TRHDE: variants seen among roughly 807,000 people sequenced by gnomAD.
TRHDE encodes the protein thyrotropin releasing hormone degrading enzyme.
Under a neutral mutation model 125.7 loss-of-function variants are expected in TRHDE, and 72 were observed. The ratio of observed to expected loss-of-function variants is 0.57; its 90% CI spans 0.47 to 0.70. The LOEUF (loss-of-function observed/expected upper bound fraction) is 0.70, where lower values mean the gene tolerates loss of function less well. Among genes scored for constraint, TRHDE ranks in the 30% least tolerant of loss-of-function variants. The pLI, the probability that TRHDE is intolerant of heterozygous loss-of-function variation, is 0.00. For missense variants in TRHDE, 1,110 were observed against 1,327.1 expected, an observed-to-expected ratio of 0.84 and a Z score of 2.54; for synonymous variants, 509 against 509.1, an observed-to-expected ratio of 1.00 and a Z score of 0.00.
At chr12:72,565,890 A>T (rs995068478) in intron 9 of TRHDE, among the ~76,000 whole-genome samples, 25 of 152,136 alleles carry the variant, frequency 1.6e-4, no homozygotes, top group Non-Finnish European at 3.2e-4. Context: ...AATGCTTAAA[A>T]TAACGTGATG....
intron 1 of TRHDE, among the ~76,000 whole-genome samples, chr12:72,100,224 T>C (rs913154909): frequency 2.0e-5 from 3 of 152,180 alleles, no homozygotes; most frequent in Admixed American, 1.3e-4. Context: ...AAAATAATAC[T>C]GTGTAAGGCT....
intron 2 of TRHDE, among the ~76,000 whole-genome samples, chr12:72,300,340 C>G (rs1880454944): frequency 6.9e-6 from 1 of 145,556 alleles, no homozygotes; most frequent in Admixed American, 7.2e-5. Flanking sequence ...CAGTGAAAAA[C>G]ACACTCATAT....
chr12:72,143,610 G>A (rs1249464055), intron 2 of TRHDE, among the ~76,000 whole-genome samples: 1 of 151,984 alleles, frequency 6.6e-6, no homozygotes, highest in African/African-American at 2.4e-5. Context: ...CATATTAAAC[G>A]GACTAAGTAG....
chr12:72,638,687 T>C (rs1873883168), intron 15 of TRHDE, among the ~76,000 whole-genome samples: 1 of 152,146 alleles, frequency 6.6e-6, no homozygotes, highest in African/African-American at 2.4e-5. Flanking sequence ...GGAGCTCTTT[T>C]AGGGCAGGCC....
At chr12:72,296,769 G>A (rs1241935591) in intron 2 of TRHDE, among the ~76,000 whole-genome samples, 1 of 152,138 alleles carries the variant, frequency 6.6e-6, no homozygotes, top group Non-Finnish European at 1.5e-5. Flanking sequence ...GAATAAAATT[G>A]ATGAACCTCC....
At chr12:72,517,224 A>T (rs1396265507) in intron 6 of TRHDE, among the ~76,000 whole-genome samples, 2 of 151,482 alleles carry the variant, frequency 1.3e-5, no homozygotes, top group Non-Finnish European at 2.9e-5. Flanking sequence ...GAATGGTACC[A>T]GTTCCTCCTT....
At chr12:72,612,830 C>T (rs188247858) in intron 12 of TRHDE, among the ~76,000 whole-genome samples, 318 of 152,172 alleles carry the variant, frequency 2.1e-3, no homozygotes, top group Non-Finnish European at 2.4e-3. Context: ...TATTAATTCT[C>T]GCAATTAATG....
intron 6 of TRHDE, among the ~76,000 whole-genome samples, chr12:72,523,736 A>G (rs1445343452): frequency 7.2e-5 from 11 of 152,056 alleles, no homozygotes; most frequent in Non-Finnish European, 1.6e-4. Flanking sequence ...TGCTGAATAC[A>G]CTCTAATAAG....
intron 6 of TRHDE, among the ~76,000 whole-genome samples, chr12:72,530,645 C>T (rs1272297780): frequency 2.7e-5 from 4 of 150,676 alleles, no homozygotes; most frequent in African/African-American, 7.3e-5. Flanking sequence ...TTTCAAAATC[C>T]GGTTATGCTT....
intron 2 of TRHDE, chr12:72,256,526 T>C (rs1878818424): frequency 6.9e-6 from 1 of 145,096 alleles, no homozygotes; most frequent in Admixed American, 6.8e-5. Flanking sequence ...TTGTCTCCCT[T>C]ATTAGAATGC....
chr12:72,211,627 A>G lies in TRHDE; in HGVS notation n.279+105875A>G, dbSNP rs184728217. ...TCATCACTATTTTGGTCCAGGAATT[A>G]TGACAGGCCCCGGGGACGCAAAGCT... On this transcript the variant is annotated intron_variant and non_coding_transcript_variant, in intron 2 of 4. Transcript: ENST00000548156. Among the ~76,000 whole-genome samples, 7 of 152,306 alleles carry G rather than the reference A, an allele frequency of 4.6e-5. No homozygotes were observed. The East Asian group carries it at 1.4e-3, about 29-fold the overall frequency.
intron 15 of TRHDE, among the ~76,000 whole-genome samples, chr12:72,645,532 A>C (rs1317691687): frequency 6.6e-6 from 1 of 152,164 alleles, no homozygotes; most frequent in Admixed American, 6.6e-5. Flanking sequence ...CAGAAAATAA[A>C]GAGAAAGGAC....
chr12:72,491,056 A>G (rs565377815), intron 5 of TRHDE, among the ~76,000 whole-genome samples: 24 of 151,678 alleles, frequency 1.6e-4, no homozygotes, highest in Non-Finnish European at 2.4e-4. Context: ...TCACTATAGT[A>G]ACTATTTTAC....
At chr12:72,430,355 A>ACACG (rs1874406080) in intron 3 of TRHDE, among the ~76,000 whole-genome samples, 1 of 145,660 alleles carries the variant, frequency 6.9e-6, no homozygotes, top group Non-Finnish European at 1.5e-5. Context: ...ACATGTATAC[A>ACACG]TATATACATA....
At chr12:72,544,861 T>G (rs11179241) in intron 7 of TRHDE, among the ~76,000 whole-genome samples, 20,100 of 151,492 alleles carry the variant, frequency 0.13, 1,416 homozygotes, top group Middle Eastern at 0.24. Flanking sequence ...AAAGCATCGG[T>G]GTAGATTCAA....
intron 9 of TRHDE, 98 bp downstream of exon 9, chr12:72,563,138 G>A (rs1565791438): frequency 2.2e-6 from 2 of 920,528 alleles, no homozygotes; most frequent in Non-Finnish European, 3.2e-6. Context: ...CTGAAATATT[G>A]TAAGTGAAAT....
intron 2 of TRHDE, among the ~76,000 whole-genome samples, chr12:72,135,328 T>C (rs1446594972): frequency 6.6e-6 from 1 of 152,204 alleles, no homozygotes; most frequent in Non-Finnish European, 1.5e-5. Context: ...TTTCCGTTCA[T>C]TACCAGTTCT....
intron 2 of TRHDE, among the ~76,000 whole-genome samples, chr12:72,343,165 A>C (rs1870159916): frequency 6.6e-6 from 1 of 152,080 alleles, no homozygotes; most frequent in Non-Finnish European, 1.5e-5. Context: ...AATCACCCAA[A>C]GAAGAAAACA....
intron 2 of TRHDE, among the ~76,000 whole-genome samples, chr12:72,331,353 A>C (rs1665679598): frequency 7.6e-6 from 1 of 131,152 alleles, no homozygotes; most frequent in African/African-American, 2.6e-5. Flanking sequence ...CTGTTTTCCA[A>C]GAAAATAATG....
Sources: allele counts gnomAD v4.1 joint callset (sites outside exome capture counted in the v4.1 genomes callset), GRCh38; gene constraint gnomAD v4.1.1; transcripts MANE v1.5; gene names NCBI Gene and HGNC (gene_info 2026-07-23, HGNC 2026-07-21).